The following PRKCB variants were observed in gnomAD, a reference collection of about 807,000 sequenced individuals.
PRKCB encodes protein kinase C beta.
A neutral mutation model predicts 81.5 loss-of-function variants in PRKCB; 13 were observed. That is an observed-to-expected ratio of 0.16 (90% CI 0.10 to 0.25). The LOEUF (loss-of-function observed/expected upper bound fraction) is 0.25, where lower values mean the gene tolerates loss of function less well. Ranked by LOEUF, PRKCB falls within the 10% of genes least tolerant of loss-of-function variation. The pLI, the probability that PRKCB is intolerant of heterozygous loss-of-function variation, is 1.00. For missense variants in PRKCB, 509 were observed against 875.7 expected (o/e 0.58, Z 5.29); for synonymous variants, 335 against 321.4 (o/e 1.04, Z -0.45).
chr16:23,918,736 T>C lies in PRKCB; in HGVS notation c.206-69772T>C, dbSNP rs374288401. On this transcript the variant is annotated intron_variant, in intron 2 of 16. Transcript: ENST00000643927. ...TGTAAGAGATGAAATGAAACTAATA[T>C]CTAATCAAATCTAAGCATCAAGCAA... Among the ~76,000 whole-genome samples the C allele has an allele frequency of 3.9e-5, 6 of 152,256 alleles. No homozygotes were observed. In the South Asian group the frequency reaches 6.2e-4, roughly 16 times the overall value.
chr16:24,186,488 T>C (rs1368588738), intron 15 of PRKCB, among the ~76,000 whole-genome samples: 2 of 152,230 alleles, frequency 1.3e-5, no homozygotes, highest in African/African-American at 4.8e-5. Context: ...ACACATAATA[T>C]ACTAATAAAG....
intron 2 of PRKCB, among the ~76,000 whole-genome samples, chr16:23,886,413 T>TGTTTTTTTTTTG (rs1567302671): frequency 2.7e-5 from 3 of 111,312 alleles, no homozygotes; most frequent in African/African-American, 1.0e-4. Flanking sequence ...GGTGTTTTTT[T>TGTTTTTTTTTTG]TTTTTTTTTT....
At position 24,123,906 on chromosome 16, in the gene PRKCB, C is replaced by G. The variant is rs778877195; in HGVS notation, c.990C>G (p.Asn330Lys). The change falls in exon 9 of 17, where the codon AAC (asparagine) becomes AAG (lysine). Residue 330 changes from asparagine (N) to lysine (K), a missense_variant. Physicochemically the swap from Asn to Lys is moderately conservative, Grantham distance 94. Transcript: ENST00000643927. Reference sequence around the variant, plus strand: ...CCAACACTGTCTCCAAATTTGACAACAATGGCAACAGAGACCGGATGAAAC... The same window carrying G: ...CCAACACTGTCTCCAAATTTGACAAGAATGGCAACAGAGACCGGATGAAAC... ...KTTNTVSKFD[N>K]NGNRDRMKLT... The G allele has an allele frequency of 5.6e-6, 9 of 1,614,056 alleles. No individual in the cohort carries two copies. The highest frequency in any genetic ancestry group is 5.0e-5 in the Admixed American group (3 of 59,996).
intron 2 of PRKCB, among the ~76,000 whole-genome samples, chr16:23,914,150 G>A (rs1182076773): frequency 6.6e-6 from 1 of 152,176 alleles, no homozygotes; most frequent in African/African-American, 2.4e-5. Context: ...TGAGACTACA[G>A]GCATGTGCCT....
chr16:24,133,957 G>A (rs1255467928), intron 9 of PRKCB, among the ~76,000 whole-genome samples: 4 of 149,644 alleles, frequency 2.7e-5, no homozygotes, highest in Non-Finnish European at 4.4e-5. Flanking sequence ...GTGCAGTGAC[G>A]TGACCATGGT....
At chr16:24,192,588 C>T (rs1011280861) in intron 16 of PRKCB, among the ~76,000 whole-genome samples, 1 of 152,216 alleles carries the variant, frequency 6.6e-6, no homozygotes, top group Non-Finnish European at 1.5e-5. Context: ...TCCCTTTCCT[C>T]TCTTGGCCAG....
At chr16:24,087,079 A>G (rs1966318758) in intron 5 of PRKCB, among the ~76,000 whole-genome samples, 1 of 152,106 alleles carries the variant, frequency 6.6e-6, no homozygotes, top group Non-Finnish European at 1.5e-5. Flanking sequence ...TCCATCTGAG[A>G]GTAAGTTGGG....
intron 10 of PRKCB, among the ~76,000 whole-genome samples, chr16:24,168,541 CTTTTTTTTTTTT>C (rs56671761): frequency 0.093 from 7,115 of 76,518 alleles, 450 homozygotes; most frequent in African/African-American, 0.19. Flanking sequence ...TCTTCTTCTA[CTTTTTTTTTTTT>C]TTTTTTTTTT....
In PRKCB at chr16:24,219,601, A is replaced by G; in HGVS notation, c.*4785A>G. On this transcript the variant is annotated 3_prime_UTR_variant, in exon 17 of 17. Coordinates refer to ENST00000643927, the MANE Select transcript of PRKCB (RefSeq NM_002738.7). ...AATGATTATTTCTATAACATTAAGC[A>G]TGGTAATAAGTAGCTTCCAATTCAA... 5.9e-6 allele frequency: 6 copies of G among 1,021,862 alleles called. No homozygotes were observed. The highest frequency in any genetic ancestry group is 9.3e-5 in the East Asian group (1 of 10,790). 63.3% of individuals were successfully genotyped at this position (1,021,862 alleles called of 1,614,324 possible).
At chr16:24,065,628 C>T (rs1966023792) in intron 5 of PRKCB, among the ~76,000 whole-genome samples, 1 of 152,136 alleles carries the variant, frequency 6.6e-6, no homozygotes, top group African/African-American at 2.4e-5. Context: ...CTTACATTTT[C>T]ACATTTCCAT....
chr16:24,014,585 A>G (rs993487989), intron 3 of PRKCB, among the ~76,000 whole-genome samples: 2 of 152,130 alleles, frequency 1.3e-5, no homozygotes, highest in Admixed American at 1.3e-4. Flanking sequence ...CATTTGTCAT[A>G]TGGATACTAC....
intron 2 of PRKCB, among the ~76,000 whole-genome samples, chr16:23,883,455 A>G (rs999531114): frequency 2.0e-5 from 3 of 152,140 alleles, no homozygotes; most frequent in Admixed American, 2.0e-4. Flanking sequence ...CCACAGGATG[A>G]GCCTCTGTGC....
chr16:24,154,563 T>C, intron 9 of PRKCB, 121 bp from the exon 10 acceptor site: 1 of 880,442 alleles, frequency 1.1e-6, no homozygotes, highest in Non-Finnish European at 1.7e-6. Flanking sequence ...TTACCTGTTG[T>C]TTCAGAGTCA....
chr16:24,048,494 C>CT (rs35642171), intron 5 of PRKCB, among the ~76,000 whole-genome samples: 14,514 of 144,926 alleles, frequency 0.1, 756 homozygotes, highest in Middle Eastern at 0.12. Context: ...TCTTTTCTTT[C>CT]TTTTTTTTTT....
In PRKCB at chr16:24,215,998, A is replaced by G. The variant is rs116357421; in HGVS notation, c.*1182A>G. The stretch of plus-strand genomic sequence containing the variant: ...CATCGAGATACAATAAAAAAAAAAA[A>G]AAAGAAAAGAAGAAGAAATACTATT... On this transcript the variant is annotated 3_prime_UTR_variant, in exon 17 of 17. Coordinates refer to ENST00000643927, the MANE Select transcript of PRKCB (RefSeq NM_002738.7). The G allele has an allele frequency of 2.1e-3, 2,067 of 984,538 alleles. 2 individuals are homozygous for G. The highest frequency in any genetic ancestry group is 5.8e-3 in the Middle Eastern group (11 of 1,910). The allele number at this position is 984,538 out of a possible 1,614,324, so 61.0% of individuals were successfully genotyped here. A position where few individuals can be genotyped will look rare whatever the true frequency, so the allele number is the denominator to read the frequency against.
intron 2 of PRKCB, among the ~76,000 whole-genome samples, chr16:23,899,644 C>CTCTCTCTG (rs1458482493): frequency 8.6e-4 from 5 of 5,810 alleles, no homozygotes; most frequent in African/African-American, 1.1e-3. Context: ...CTCTCTCTCT[C>CTCTCTCTG]TGTGTGTGTG....
intron 7 of PRKCB, among the ~76,000 whole-genome samples, chr16:24,109,395 C>T (rs1183417900): frequency 1.4e-4 from 17 of 118,108 alleles, no homozygotes; most frequent in Admixed American, 3.2e-4. Flanking sequence ...TCAGACGGGG[C>T]GGCCGGGCAG....
intron 3 of PRKCB, among the ~76,000 whole-genome samples, chr16:24,006,552 C>T (rs774423087): frequency 2.0e-5 from 3 of 152,152 alleles, no homozygotes; most frequent in Non-Finnish European, 2.9e-5. Flanking sequence ...CAACAGAAAC[C>T]ATCTTTGGTT....
At chr16:24,120,276 G>A (rs774006644) in intron 8 of PRKCB, among the ~76,000 whole-genome samples, 13 of 152,164 alleles carry the variant, frequency 8.5e-5, no homozygotes, top group Non-Finnish European at 1.6e-4. Context: ...GGTTACATGG[G>A]TGTGCACATT....
Sources: allele counts gnomAD v4.1 joint callset (sites outside exome capture counted in the v4.1 genomes callset), GRCh38; gene constraint gnomAD v4.1.1; transcripts MANE v1.5; gene names NCBI Gene and HGNC (gene_info 2026-07-23, HGNC 2026-07-21).